Variants in CFL2 observed in about 807,000 individuals in gnomAD.
CFL2 encodes cofilin-2.
A neutral mutation model predicts 19.6 loss-of-function variants in CFL2; 10 were observed. The ratio of observed to expected loss-of-function variants is 0.51; its 90% confidence interval spans 0.31 to 0.86. CFL2 has a LOEUF of 0.86. CFL2 is among the 40% of genes least tolerant of loss of function. The pLI is 0.04. For synonymous variants in CFL2, 63 were observed against 66.7 expected (o/e 0.95, Z 0.27); for missense variants, 125 against 192.1 (o/e 0.65, Z 2.06).
intron 1 of CFL2, chr14:34,714,125 C>G (rs1036268767): frequency 2.6e-6 from 1 of 378,132 alleles, no homozygotes; most frequent in African/African-American, 2.0e-5. Flanking sequence ...TTCCCTCTTC[C>G]TTAATCTCCC....
rs148966691 is a variant in CFL2 at position 34,713,598 on chromosome 14, AT to A, written c.4-38del. ...CACAGAACAGTAATTCAGAACACGT[AT>A]TTTGGTTTTAACCAAAATTACTGTT... On this transcript the variant is annotated intron_variant, in intron 1 of 3. Transcript: ENST00000298159. The A allele has an allele frequency of 1.5e-3, 2,450 of 1,613,976 alleles. 33 individuals carry two copies. The African/African-American group carries it at 0.029, about 19-fold the overall frequency.
chr14:34,713,682 T>A, intron 1 of CFL2, 121 bp from the exon 2 acceptor site: 1 of 1,613,146 alleles, frequency 6.2e-7, no homozygotes, highest in Non-Finnish European at 8.5e-7. Context: ...ACCATGTAAG[T>A]CGTCCAATCA....
In CFL2 at chr14:34,713,070, CT is replaced by C; in HGVS notation, c.377del (p.Lys126ArgfsTer12). 1 of 1,584,240 alleles carries C rather than the reference CT, an allele frequency of 6.3e-7. No individual in the cohort carries two copies. The highest frequency in any genetic ancestry group is 8.6e-7 in the Non-Finnish European group (1 of 1,164,798). Reference protein sequence around the residue: ...IYASSKDAIKKKFTGIKHEWQ... With the variant: ...IYASSKDAIKXKFTGIKHEWQ... ...TATTCAAGTTTGTACCTGTAAATTT[CT>C]TTTTAATGGCATCTTTAGAGCTAGC... On this transcript the variant is annotated frameshift_variant, in exon 3 of 4. Transcript: ENST00000298159. LOFTEE classifies it high-confidence loss of function.
At position 34,712,462 on chromosome 14, in the gene CFL2, G is replaced by A. The variant is rs1047822855; in HGVS notation, c.*403C>T. 21 of 456,726 alleles carry A rather than the reference G, an allele frequency of 4.6e-5. No homozygotes were observed. The Admixed American group carries it at 4.7e-4, about 10-fold the overall frequency. The allele number at this position is 456,726 out of a possible 1,614,324, so 28.3% of individuals were successfully genotyped here. A position where few individuals can be genotyped will look rare whatever the true frequency, so the allele number is the denominator to read the frequency against. On this transcript the variant is annotated 3_prime_UTR_variant, in exon 4 of 4. Transcript: ENST00000298159. ...TCAAGCCTCACAGAACTGCAATCAA[G>A]TGCCAACTATAAATAATACTGAAAA...
rs10149653 is a variant in CFL2 at position 34,714,342 on chromosome 14, C to A, written c.3+196G>T. ...CCGACGCCCGGGCCCTCCCCGCCCC[C>A]CAAAATCCAAAGAGCAGCAGGGCAG... On this transcript the variant is annotated intron_variant, in intron 1 of 3. Transcript: ENST00000298159. 367,929 of 914,302 alleles carry A rather than the reference C, an allele frequency of 0.4. 80,222 individuals are homozygous for A. The highest frequency in any genetic ancestry group is 0.44 in the Non-Finnish European group (301,672 of 679,698). 56.6% of individuals were successfully genotyped at this position (914,302 alleles called of 1,614,324 possible). A position where few individuals can be genotyped will look rare whatever the true frequency, so the allele number is the denominator to read the frequency against.
rs1023778741 is a variant in CFL2, at chr14:34,713,052, G to C, written c.388+8C>G. The C allele has an allele frequency of 1.3e-6, 2 of 1,575,202 alleles. No homozygotes were observed. The highest frequency in any genetic ancestry group is 1.7e-6 in the Non-Finnish European group (2 of 1,159,084). On this transcript the variant is annotated splice_region_variant and intron_variant, in intron 3 of 3. Transcript: ENST00000298159. ...TAATTTCTCTGCCCCAAATATTCAA[G>C]TTTGTACCTGTAAATTTCTTTTTAA... is the stretch of plus-strand genomic sequence containing the variant.
chr14:34,713,514 A>C lies in CFL2; in HGVS notation c.51T>G (p.Asp17Glu), dbSNP rs753321299. 1 of 1,613,984 alleles carries C rather than the reference A, an allele frequency of 6.2e-7. No homozygotes were observed. The highest frequency in any genetic ancestry group is 1.1e-5 in the South Asian group (1 of 91,084). The change falls in exon 2 of 4, where the codon GAT becomes GAG. Residue 17 changes from aspartate (D) to glutamate (E), a missense_variant. By Grantham distance (45) the Asp-to-Glu change is conservative. Coordinates refer to ENST00000298159, the MANE Select transcript of CFL2 (RefSeq NM_138638.5). ...VNDEVIKVFN[D>E]MKVRKSSTQE... The stretch of plus-strand genomic sequence containing the variant: ...GTGTAGAAGATTTCCTTACTTTCAT[A>C]TCATTAAAAACTTTGATGACTTCAT...
At position 34,710,412 on chromosome 14, in the gene CFL2, T is replaced by C. The variant is rs1254767889; in HGVS notation, c.*2453A>G. 5.7e-6 allele frequency: 2 copies of C among 350,946 alleles called. No homozygotes were observed. Among genetic ancestry groups the C allele is most frequent in the Non-Finnish European group, 1.1e-5 (2 of 178,760 alleles). 21.7% of individuals were successfully genotyped at this position (350,946 alleles called of 1,614,324 possible). A position where few individuals can be genotyped will look rare whatever the true frequency, so the allele number is the denominator to read the frequency against. ...ACCAGTTTTTAAACTTTTAATGTTC[T>C]GAAGTATAAGTAAACACATCTCAAC... On this transcript the variant is annotated 3_prime_UTR_variant, in exon 4 of 4. Coordinates refer to ENST00000298159, the MANE Select transcript of CFL2 (RefSeq NM_138638.5).
rs1323316444 is a variant in CFL2, at chr14:34,711,735, A to G, written c.*1130T>C. ...AAGTATTTATGCCAAAGTGCAAAAAATAATTTCTGATCTTCATATTAACAC... is the reference window on the plus strand; with the variant it reads ...AAGTATTTATGCCAAAGTGCAAAAAGTAATTTCTGATCTTCATATTAACAC... On this transcript the variant is annotated 3_prime_UTR_variant, in exon 4 of 4. Transcript: ENST00000298159. The G allele has an allele frequency of 2.3e-6, 1 of 442,726 alleles. No individual in the cohort carries two copies. Among genetic ancestry groups the G allele is most frequent in the East Asian group, 7.0e-5 (1 of 14,384 alleles). 27.4% of individuals were successfully genotyped at this position (442,726 alleles called of 1,614,324 possible). A position where few individuals can be genotyped will look rare whatever the true frequency, so the allele number is the denominator to read the frequency against.
rs1566523045 is a variant in CFL2 at position 34,711,243 on chromosome 14, T to C, written c.*1622A>G. Reference sequence around the variant, plus strand: ...AAAGCATTCCTCTGAGCTATGGGGTTAAGTTCTGAGCCACGACTGACTGCT... The same window carrying C: ...AAAGCATTCCTCTGAGCTATGGGGTCAAGTTCTGAGCCACGACTGACTGCT... On this transcript the variant is annotated 3_prime_UTR_variant, in exon 4 of 4. Transcript: ENST00000298159. 1 of 454,578 alleles carries C rather than the reference T, an allele frequency of 2.2e-6. No individual in the cohort carries two copies. 28.2% of individuals were successfully genotyped at this position (454,578 alleles called of 1,614,324 possible). A position where few individuals can be genotyped will look rare whatever the true frequency, so the allele number is the denominator to read the frequency against.
In CFL2 at chr14:34,709,696, G is replaced by A. The variant is rs1450587581; in HGVS notation, c.*3169C>T. 6.8e-6 allele frequency: 1 copy of A among 146,840 alleles called. No individual in the cohort carries two copies. Among genetic ancestry groups the A allele is most frequent in the Non-Finnish European group, 1.5e-5 (1 of 67,434 alleles). The allele number at this position is 146,840 out of a possible 1,614,324, so 9.1% of individuals were successfully genotyped here. ...CCAGCTACTTGGGAGGCTGAGGTGG[G>A]AGGATCATCTGAGCTGGGAAGGTTG... On this transcript the variant is annotated 3_prime_UTR_variant, in exon 4 of 4. Coordinates refer to ENST00000298159, the MANE Select transcript of CFL2 (RefSeq NM_138638.5).
Position 34,710,637 on chromosome 14 carries a change from T to C in CFL2, c.*2228A>G, listed in dbSNP as rs1285360800. 2.3e-6 allele frequency: 1 copy of C among 437,828 alleles called. No individual in the cohort carries two copies. Among genetic ancestry groups the C allele is most frequent in the Admixed American group, 2.6e-5 (1 of 38,622 alleles). The allele number at this position is 437,828 out of a possible 1,614,324, so 27.1% of individuals were successfully genotyped here. ...TTAATCTCAAATAACAAGTGAACTA[T>C]TATTAATTTTATCTCTTTTTTTGGC... On this transcript the variant is annotated 3_prime_UTR_variant, in exon 4 of 4. Coordinates refer to ENST00000298159, the MANE Select transcript of CFL2 (RefSeq NM_138638.5).
rs137914913 is a variant in CFL2, at chr14:34,712,496, C to A, written c.*369G>T. 17 of 461,664 alleles carry A rather than the reference C, an allele frequency of 3.7e-5. No individual in the cohort carries two copies. In the East Asian group the frequency reaches 1.2e-3, roughly 31 times the overall value. 28.6% of individuals were successfully genotyped at this position (461,664 alleles called of 1,614,324 possible). ...ATAAATAATACTGAAAAAAGTTGACCATCTGACCAGTGGATAATACTTTCA... is the reference window on the plus strand; with the variant it reads ...ATAAATAATACTGAAAAAAGTTGACAATCTGACCAGTGGATAATACTTTCA... On this transcript the variant is annotated 3_prime_UTR_variant, in exon 4 of 4. Transcript: ENST00000298159.
chr14:34,711,745 A>C lies in CFL2; in HGVS notation c.*1120T>G. ...GCCAAAGTGCAAAAAATAATTTCTG[A>C]TCTTCATATTAACACATAGGAAATA... is the stretch of plus-strand genomic sequence containing the variant. On this transcript the variant is annotated 3_prime_UTR_variant, in exon 4 of 4. Transcript: ENST00000298159. 4.5e-6 allele frequency: 2 copies of C among 442,454 alleles called. No homozygotes were observed. Among genetic ancestry groups the C allele is most frequent in the Non-Finnish European group, 8.9e-6 (2 of 223,734 alleles). The allele number at this position is 442,454 out of a possible 1,614,324, so 27.4% of individuals were successfully genotyped here.
In CFL2 at chr14:34,711,917, T is replaced by A. The variant is rs1021956188; in HGVS notation, c.*948A>T. ...ATGCTGTACAAAAAAAATTCTCAAATGACCAGTGCAGAGATTAGTAATAGC... is the reference window on the plus strand; with the variant it reads ...ATGCTGTACAAAAAAAATTCTCAAAAGACCAGTGCAGAGATTAGTAATAGC... On this transcript the variant is annotated 3_prime_UTR_variant, in exon 4 of 4. Transcript: ENST00000298159. 6 of 454,078 alleles carry A rather than the reference T, an allele frequency of 1.3e-5. No individual in the cohort carries two copies. Among genetic ancestry groups the A allele is most frequent in the Non-Finnish European group, 2.6e-5 (6 of 226,702 alleles). 28.1% of individuals were successfully genotyped at this position (454,078 alleles called of 1,614,324 possible).
At position 34,712,449 on chromosome 14, in the gene CFL2, GAACTGCAATC is replaced by G; in HGVS notation, c.*406_*415del. ...GGTGTATGAATGCTCAAGCCTCACA[GAACTGCAATC>G]AAGTGCCAACTATAAATAATACTGA... On this transcript the variant is annotated 3_prime_UTR_variant, in exon 4 of 4. Coordinates refer to ENST00000298159, the MANE Select transcript of CFL2 (RefSeq NM_138638.5). The G allele has an allele frequency of 4.4e-6, 2 of 455,970 alleles. No individual in the cohort carries two copies. Among genetic ancestry groups the G allele is most frequent in the South Asian group, 3.1e-5 (2 of 64,494 alleles). 28.2% of individuals were successfully genotyped at this position (455,970 alleles called of 1,614,324 possible).
rs1236372539 is a variant in CFL2 at position 34,712,301 on chromosome 14, C to A, written c.*564G>T. 2.2e-6 allele frequency: 1 copy of A among 454,442 alleles called. No homozygotes were observed. The highest frequency in any genetic ancestry group is 2.0e-5 in the African/African-American group (1 of 50,004). 28.2% of individuals were successfully genotyped at this position (454,442 alleles called of 1,614,324 possible). On this transcript the variant is annotated 3_prime_UTR_variant, in exon 4 of 4. Transcript: ENST00000298159. ...GAGGTACTAGGATAAGTTGATGACA[C>A]AGTTAACAAAACTTAATTGGCATTC...
rs919821033 is a variant in CFL2 at position 34,712,673 on chromosome 14, A to G, written c.*192T>C. ...ATTCCTTGGGTTCTATATAAAAGTA[A>G]CAGTATTCAACAGTCTAATGGCAAT... On this transcript the variant is annotated 3_prime_UTR_variant, in exon 4 of 4. Transcript: ENST00000298159. 3 of 684,954 alleles carry G rather than the reference A, an allele frequency of 4.4e-6. No homozygotes were observed. Among genetic ancestry groups the G allele is most frequent in the Non-Finnish European group, 8.0e-6 (3 of 374,244 alleles). 42.4% of individuals were successfully genotyped at this position (684,954 alleles called of 1,614,324 possible). A position where few individuals can be genotyped will look rare whatever the true frequency, so the allele number is the denominator to read the frequency against.
rs1223519231 is a variant in CFL2 at position 34,709,605 on chromosome 14, T to C, written c.*3260A>G. ...GCCTAGGCAACATGGCCAAACTCAG[T>C]CTCTACAAAAGAGATACAAAAAAAA... On this transcript the variant is annotated 3_prime_UTR_variant, in exon 4 of 4. Coordinates refer to ENST00000298159, the MANE Select transcript of CFL2 (RefSeq NM_138638.5). 5 of 135,090 alleles carry C rather than the reference T, an allele frequency of 3.7e-5. No homozygotes were observed. Among genetic ancestry groups the C allele is most frequent in the African/African-American group, 1.4e-4 (5 of 35,784 alleles). The allele number at this position is 135,090 out of a possible 1,614,324, so 8.4% of individuals were successfully genotyped here.
Sources: allele counts gnomAD v4.1 joint callset, GRCh38; gene constraint gnomAD v4.1.1; transcripts MANE v1.5; gene names NCBI Gene and HGNC (gene_info 2026-07-23, HGNC 2026-07-21).